Variants in TUT4 observed in about 807,000 individuals in gnomAD.
TUT4 encodes terminal uridylyl transferase 4, also known as terminal uridylyltransferase 4.
TUT4 carries 36 observed loss-of-function variants against 192.2 expected under a neutral mutation model. The observed-to-expected ratio is 0.19, with a 90% confidence interval of 0.14 to 0.25. The LOEUF (loss-of-function observed/expected upper bound fraction) is 0.25, where lower values mean the gene tolerates loss of function less well. Among genes scored for constraint, TUT4 ranks in the 10% least tolerant of loss-of-function variants. TUT4 has a pLI of 1.00. For missense variants in TUT4, 1,493 were observed against 1,957.2 expected (o/e 0.76, Z 4.47); for synonymous variants, 618 against 666.0 (o/e 0.93, Z 1.11).
chr1:52,457,388 A>G lies in TUT4; in HGVS notation c.3435+948T>C, dbSNP rs556955898. ...GTAGCTGGGATTACAGGCACGCACC[A>G]CCACGCCCGGCTAATTTTTATATTT... is the stretch of plus-strand genomic sequence containing the variant. On this transcript the variant is annotated intron_variant, in intron 20 of 29. Coordinates refer to ENST00000257177, the MANE Select transcript of TUT4 (RefSeq NM_001009881.3). Among the ~76,000 whole-genome samples, 9 of 151,962 alleles carry G rather than the reference A, an allele frequency of 5.9e-5. No individual in the cohort carries two copies. In the East Asian group the frequency reaches 1.7e-3, roughly 29 times the overall value.
At chr1:52,495,952 A>T (rs1672343929) in intron 5 of TUT4, among the ~76,000 whole-genome samples, 1 of 152,144 alleles carries the variant, frequency 6.6e-6, no homozygotes, top group Non-Finnish European at 1.5e-5. Context: ...TACGAAGTGA[A>T]GCCAAGTCAG....
chr1:52,461,364 C>A, intron 18 of TUT4, 141 bp from the exon 19 acceptor site: 1 of 1,096,752 alleles, frequency 9.1e-7, no homozygotes. Context: ...CAAACAAAAA[C>A]TGACCTTCAA....
chr1:52,509,311 G>A (rs1203768378), intron 4 of TUT4, among the ~76,000 whole-genome samples: 2 of 152,090 alleles, frequency 1.3e-5, no homozygotes, highest in African/African-American at 4.8e-5. Context: ...CCACTGCCTA[G>A]AAGTAGCACA....
chr1:52,540,341 C>A (rs747258184), intron 1 of TUT4, among the ~76,000 whole-genome samples: 1 of 151,656 alleles, frequency 6.6e-6, no homozygotes, highest in African/African-American at 2.4e-5. Flanking sequence ...ACAGCGAAAC[C>A]CCATCTCTAC....
chr1:52,442,826 C>A (rs946261199), intron 24 of TUT4, among the ~76,000 whole-genome samples: 1 of 152,210 alleles, frequency 6.6e-6, no homozygotes, highest in African/African-American at 2.4e-5. Flanking sequence ...TTAGCAGACT[C>A]ATGGGCCCCT....
rs181253969 is a variant in TUT4 at position 52,483,374 on chromosome 1, A to G, written c.1516-1451T>C. ...AAGATGTTATTTTTCCCAATCTACT[A>G]TTTTTCTTTTGATATTATTTATATC... On this transcript the variant is annotated intron_variant, in intron 9 of 29. Coordinates refer to ENST00000257177, the MANE Select transcript of TUT4 (RefSeq NM_001009881.3). Among the ~76,000 whole-genome samples, 635 of 151,566 alleles carry G rather than the reference A, an allele frequency of 4.2e-3. 1 individual carries two copies. Among genetic ancestry groups the G allele is most frequent in the Middle Eastern group, 6.8e-3 (2 of 294 alleles).
chr1:52,505,052 A>C (rs1056712225), intron 4 of TUT4, among the ~76,000 whole-genome samples: 8 of 152,216 alleles, frequency 5.3e-5, no homozygotes, highest in Admixed American at 2.6e-4. Flanking sequence ...TTGTATAAAT[A>C]TCTCTTTGAA....
chr1:52,455,666 G>C (rs540960709), intron 20 of TUT4, among the ~76,000 whole-genome samples: 14 of 147,500 alleles, frequency 9.5e-5, no homozygotes, highest in African/African-American at 3.2e-4. Flanking sequence ...GGCAGGGGAG[G>C]GGGGGAGAGG....
rs1233809571 is a variant in TUT4 at position 52,481,496 on chromosome 1, T to A, written c.1775A>T (p.Asp592Val). The A allele has an allele frequency of 1.9e-6, 3 of 1,613,938 alleles. No homozygotes were observed. The highest frequency in any genetic ancestry group is 1.6e-4 in the Middle Eastern group (1 of 6,080). The part of the protein sequence containing the change: ...SIAEENKAKA[D>V]QPKDDTKKTE... ...CTTCTTGGTATCATCTTTTGGTTGG[T>A]CTGCCTTAGCTTTGTTTTCCTCAGC... Residue 592 changes from aspartate (D) to valine (V), a missense_variant, in exon 11 of 30, where the codon GAC (aspartate) becomes GTC (valine). This residue lies in a region of TUT4 where 437 missense variants were observed against 577.6 expected (regional missense o/e 0.76). Transcript: ENST00000257177.
At chr1:52,528,424 G>C (rs545153195) in intron 1 of TUT4, among the ~76,000 whole-genome samples, 149 of 151,122 alleles carry the variant, frequency 9.9e-4, no homozygotes, top group Non-Finnish European at 8.3e-4. Flanking sequence ...CCAGGAGGCA[G>C]AGGTTGCGGT....
intron 1 of TUT4, among the ~76,000 whole-genome samples, chr1:52,550,077 G>C (rs531060633): frequency 2.6e-5 from 4 of 151,992 alleles, no homozygotes; most frequent in Non-Finnish European, 4.4e-5. Flanking sequence ...AGAGTGTGTG[G>C]TTTATTTGAA....
In TUT4 at chr1:52,446,647, A is replaced by C; in HGVS notation, c.3456T>G (p.Ile1152Met). The C allele has an allele frequency of 6.2e-7, 1 of 1,603,816 alleles. No individual in the cohort carries two copies. Among genetic ancestry groups the C allele is most frequent in the South Asian group, 1.1e-5 (1 of 88,114 alleles). ...TCCATCCATCAACCATTCTCTGTGG[A>C]ATCTGTTTTCCATCAAAGATCTGCA... ...VLQEIFDGKQ[I>M]PQRMVDGWNA... The change falls in exon 21 of 30, where the codon ATT (isoleucine) becomes ATG (methionine). Residue 1152 changes from isoleucine to methionine, a missense_variant. Ile to Met is a conservative substitution (Grantham distance 10). Transcript: ENST00000257177.
chr1:52,446,461 AG>A lies in TUT4; in HGVS notation c.3514-20del, dbSNP rs1459180922. 5.1e-6 allele frequency: 8 copies of A among 1,573,752 alleles called. No homozygotes were observed. Among genetic ancestry groups the A allele is most frequent in the African/African-American group, 2.8e-5 (2 of 72,284 alleles). On this transcript the variant is annotated intron_variant, in intron 21 of 29. Transcript: ENST00000257177. ...GCTTTTTCTACATATAAAAAAAAAAAGAAAAGAACAATGTCTATACAGTACT... is the reference window on the plus strand; with the variant it reads ...GCTTTTTCTACATATAAAAAAAAAAAAAAAGAACAATGTCTATACAGTACT...
At chr1:52,492,603 G>T (rs1189793846) in intron 7 of TUT4, among the ~76,000 whole-genome samples, 1 of 152,210 alleles carries the variant, frequency 6.6e-6, no homozygotes, top group Non-Finnish European at 1.5e-5. Context: ...CAACCAGTAA[G>T]TGGCAGAACT....
rs115570493 is a variant in TUT4 at position 52,507,508 on chromosome 1, C to T, written c.999+2088G>A. 8.4e-3 allele frequency among the ~76,000 whole-genome samples: 1,275 copies of T among 152,150 alleles called. 18 individuals are homozygous for T. Among genetic ancestry groups the T allele is most frequent in the African/African-American group, 0.029 (1,219 of 41,520 alleles). ...TGTCATTTCAAGGGAAAAGTAAATCCACTGTTACTCTAACTTCACCAAAAG... is the reference window on the plus strand; with the variant it reads ...TGTCATTTCAAGGGAAAAGTAAATCTACTGTTACTCTAACTTCACCAAAAG... On this transcript the variant is annotated intron_variant, in intron 4 of 29. Transcript: ENST00000257177.
intron 1 of TUT4, among the ~76,000 whole-genome samples, chr1:52,532,733 G>A (rs1434695115): frequency 1.3e-5 from 2 of 152,068 alleles, no homozygotes; most frequent in Non-Finnish European, 2.9e-5. Context: ...CATCCTCCTA[G>A]GATGATTTTA....
intron 28 of TUT4, among the ~76,000 whole-genome samples, chr1:52,426,468 T>C (rs1259676899): frequency 6.6e-6 from 1 of 152,190 alleles, no homozygotes; most frequent in Non-Finnish European, 1.5e-5. Flanking sequence ...AGAGTCACAG[T>C]GTGCTAGGGA....
chr1:52,457,779 T>C (rs1367808524), intron 20 of TUT4, among the ~76,000 whole-genome samples: 1 of 152,224 alleles, frequency 6.6e-6, no homozygotes, highest in African/African-American at 2.4e-5. Flanking sequence ...AAAAAGGAAC[T>C]TTATAAGTCA....
intron 14 of TUT4, among the ~76,000 whole-genome samples, chr1:52,470,478 G>C (rs1056903006): frequency 4.0e-5 from 6 of 151,834 alleles, no homozygotes; most frequent in Non-Finnish European, 5.9e-5. Flanking sequence ...GACCCACCCA[G>C]CCAAAATTTT....
Sources: gnomAD v4.1 joint callset for allele counts (sites outside exome capture counted in the v4.1 genomes callset) on GRCh38, gnomAD v4.1.1 for gene constraint, gnomAD v4.1.1 regional missense constraint, MANE v1.5 for transcripts, NCBI Gene and HGNC (gene_info 2026-07-23, HGNC 2026-07-21) for gene names.